PLCG2: variants seen among roughly 807,000 people sequenced by gnomAD.
PLCG2 encodes the protein 1-phosphatidylinositol 4,5-bisphosphate phosphodiesterase gamma-2.
Under a neutral mutation model 175.6 loss-of-function variants are expected in PLCG2, and 69 were observed. That is an observed-to-expected ratio of 0.39 (90% CI 0.32 to 0.48). PLCG2 has a LOEUF of 0.48. Ranked by LOEUF, PLCG2 falls within the 20% of genes least tolerant of loss-of-function variation. PLCG2 has a pLI of 0.91. For synonymous variants in PLCG2, 827 were observed against 624.0 expected, an observed-to-expected ratio of 1.33 and a Z score of -4.85; for missense variants, 1,798 against 1,650.9, an observed-to-expected ratio of 1.09 and a Z score of -1.54.
At chr16:81,877,342 G>A (rs961507474) in intron 7 of PLCG2, among the ~76,000 whole-genome samples, 1 of 151,918 alleles carries the variant, frequency 6.6e-6, no homozygotes, top group Non-Finnish European at 1.5e-5. Flanking sequence ...TGTAGTCCCA[G>A]CTACTTGGGA....
At chr16:81,867,075 T>C (rs1475988556) in intron 5 of PLCG2, among the ~76,000 whole-genome samples, 1 of 152,178 alleles carries the variant, frequency 6.6e-6, no homozygotes, top group South Asian at 2.1e-4. Context: ...ATCTTGTCAT[T>C]TGAAGTCTGT....
chr16:81,777,805 C>T (rs1382056809), upstream of PLCG2, among the ~76,000 whole-genome samples: 3 of 151,866 alleles, frequency 2.0e-5, no homozygotes, highest in Admixed American at 2.0e-4. Context: ...CACTTGAGGT[C>T]AGGAGTTTGA....
chr16:81,876,272 C>T (rs1020513489), intron 7 of PLCG2, among the ~76,000 whole-genome samples: 2 of 152,172 alleles, frequency 1.3e-5, no homozygotes, highest in African/African-American at 4.8e-5. Context: ...ATCCACCCGC[C>T]TTGGCCTCCC....
At position 81,888,085 on chromosome 16, in the gene PLCG2, C is replaced by T. The variant is rs143791455; in HGVS notation, c.766-1087C>T. Among the ~76,000 whole-genome samples the T allele has an allele frequency of 2.9e-3, 449 of 152,282 alleles. 1 individual carries two copies. Among genetic ancestry groups the T allele is most frequent in the African/African-American group, 0.01 (428 of 41,542 alleles). On this transcript the variant is annotated intron_variant, in intron 9 of 32. Coordinates refer to ENST00000564138, the MANE Select transcript of PLCG2 (RefSeq NM_002661.5). ...GAGCTTAGGATCATGAGGTATTGTT[C>T]CTGGGCCTCTGTTTCCTTTTCTGTA...
intron 2 of PLCG2, among the ~76,000 whole-genome samples, chr16:81,817,670 G>C (rs1252636930): frequency 6.6e-6 from 1 of 152,156 alleles, no homozygotes; most frequent in Non-Finnish European, 1.5e-5. Flanking sequence ...ATTTCAAGTA[G>C]AGATAGGGTC....
intron 1 of PLCG2, among the ~76,000 whole-genome samples, chr16:81,754,479 C>T (rs1479598719): frequency 7.4e-5 from 6 of 81,408 alleles, no homozygotes; most frequent in Non-Finnish European, 1.4e-4. Context: ...CCCCTCCTCA[C>T]CTCATTCCCC....
chr16:81,783,206 G>T, intron 1 of PLCG2: 1 of 460,236 alleles, frequency 2.2e-6, no homozygotes, highest in South Asian at 1.5e-5. Flanking sequence ...CTGGGAGTGG[G>T]GAACTCCAGG....
chr16:81,813,218 A>G (rs1028908752), intron 2 of PLCG2, among the ~76,000 whole-genome samples: 2 of 152,188 alleles, frequency 1.3e-5, no homozygotes, highest in Non-Finnish European at 2.9e-5. Context: ...AAAGTCAATG[A>G]TAGCTTGATG....
chr16:81,868,845 C>A (rs543289354), intron 5 of PLCG2, among the ~76,000 whole-genome samples: 11 of 152,370 alleles, frequency 7.2e-5, no homozygotes, highest in African/African-American at 2.4e-4. Flanking sequence ...ACTGGGACAT[C>A]ACCCTATACT....
intron 2 of PLCG2, among the ~76,000 whole-genome samples, chr16:81,773,485 T>C (rs746275241): frequency 3.9e-5 from 6 of 152,150 alleles, no homozygotes; most frequent in Non-Finnish European, 8.8e-5. Context: ...GAGGCAGAGC[T>C]GGGATTCACA....
At chr16:81,778,882 A>C (rs540904234), upstream of PLCG2, among the ~76,000 whole-genome samples, 80 of 152,308 alleles carry the variant, frequency 5.3e-4, 1 homozygote, top group African/African-American at 1.8e-3. Context: ...TGCTGTCTCG[A>C]ACTCTCGAGC....
At chr16:81,896,190 C>T (rs1352771679) in intron 13 of PLCG2, among the ~76,000 whole-genome samples, 1 of 152,150 alleles carries the variant, frequency 6.6e-6, no homozygotes, top group African/African-American at 2.4e-5. Flanking sequence ...TCAGTGCCCA[C>T]CCCACCTCCT....
chr16:81,931,443 C>G, intron 24 of PLCG2, 54 bp from the exon 25 acceptor site: 1 of 1,571,928 alleles, frequency 6.4e-7, no homozygotes. Context: ...GCAGTCTGGT[C>G]TTTGTGGCCC....
intron 1 of PLCG2, among the ~76,000 whole-genome samples, chr16:81,747,992 G>T (rs1049324208): frequency 2.0e-5 from 3 of 151,786 alleles, no homozygotes; most frequent in Non-Finnish European, 4.4e-5. Flanking sequence ...CTCCTGCCTC[G>T]GCCTCCCAAG....
intron 8 of PLCG2, among the ~76,000 whole-genome samples, chr16:81,881,657 A>T (rs915494630): frequency 2.7e-4 from 41 of 152,228 alleles, no homozygotes; most frequent in African/African-American, 8.2e-4. Context: ...TATAGTATGT[A>T]TATTCGAGAC....
intron 13 of PLCG2, chr16:81,898,269 T>G (rs535610548): frequency 6.5e-6 from 1 of 153,154 alleles, no homozygotes; most frequent in South Asian, 2.0e-4. Context: ...ATTAATGTTT[T>G]GGCAGCAAAA....
chr16:81,883,434 A>G (rs1349568785), intron 9 of PLCG2, 93 bp downstream of exon 9: 10 of 945,622 alleles, frequency 1.1e-5, no homozygotes, highest in Non-Finnish European at 1.7e-5. Flanking sequence ...TCACCTGGTC[A>G]CCTGTGCTCA....
intron 5 of PLCG2, among the ~76,000 whole-genome samples, chr16:81,865,562 CA>C (rs1907186144): frequency 6.6e-6 from 1 of 152,206 alleles, no homozygotes; most frequent in African/African-American, 2.4e-5. Context: ...TGTTCTTGAG[CA>C]GCTGCTCTGG....
chr16:81,865,293 C>G (rs565302049), intron 5 of PLCG2, among the ~76,000 whole-genome samples: 29 of 152,276 alleles, frequency 1.9e-4, no homozygotes, highest in African/African-American at 6.7e-4. Context: ...TTGGCTTCCT[C>G]CCCTGCAGCG....
Sources: allele counts gnomAD v4.1 joint callset (sites outside exome capture counted in the v4.1 genomes callset), GRCh38; gene constraint gnomAD v4.1.1; transcripts MANE v1.5; gene names NCBI Gene and HGNC (gene_info 2026-07-23, HGNC 2026-07-21).